The following NCAPD3 variants were observed in gnomAD, a reference collection of about 807,000 sequenced individuals.
The protein encoded by NCAPD3 is condensin-2 complex subunit D3.
NCAPD3 carries 105 observed loss-of-function variants against 182.9 expected under a neutral mutation model. The ratio of observed to expected loss-of-function variants is 0.57; its 90% CI spans 0.49 to 0.68. The LOEUF is 0.68. Among genes scored for constraint, NCAPD3 ranks in the 30% least tolerant of loss-of-function variants. NCAPD3 has a pLI of 0.00. For missense variants in NCAPD3, 1,944 were observed against 1,837.0 expected (o/e 1.06, Z -1.07); for synonymous variants, 815 against 679.9 (o/e 1.20, Z -3.09).
chr11:134,210,580 T>C, intron 3 of NCAPD3, 126 bp from the exon 4 acceptor site: 1 of 819,030 alleles, frequency 1.2e-6, no homozygotes. Context: ...AATGAACCTG[T>C]AGCAAGAGTA....
In NCAPD3 at chr11:134,217,061, T is replaced by C. The variant is rs201370429; in HGVS notation, c.257A>G (p.His86Arg). The change falls in exon 3 of 35, where the codon CAT becomes CGT. Residue 86 changes from histidine to arginine, a missense_variant. His to Arg is a conservative substitution (Grantham distance 29). Coordinates refer to ENST00000534548, the MANE Select transcript of NCAPD3 (RefSeq NM_015261.3). Reference protein sequence around the residue: ...WTFFIENNVSHSTLVALFYHF... With the variant: ...WTFFIENNVSRSTLVALFYHF... ...ATAGAACAATGCCACCAGTGTACTA[T>C]GGGAAACATTGTTCTCAATGAAGAA... The C allele has an allele frequency of 2.6e-4, 421 of 1,613,302 alleles. No homozygotes were observed. Among genetic ancestry groups the C allele is most frequent in the South Asian group, 6.8e-4 (62 of 90,878 alleles).
rs992356548 is a variant in NCAPD3, at chr11:134,161,813, G to C, written c.3652C>G (p.Pro1218Ala). Residue 1218 changes from proline (P) to alanine (A), a missense_variant, in exon 28 of 35, where the codon CCA becomes GCA. Pro to Ala is a conservative substitution (Grantham distance 27). Around this residue, in one of 3 missense-constraint regions of NCAPD3, gnomAD observed 1,803 missense variants for 1,674.6 expected, o/e 1.08. Transcript: ENST00000534548. The stretch of plus-strand genomic sequence containing the variant: ...TAGTGCATGAGTTCCCGCAAAGCTG[G>C]GATCTTATTTTTCTCCAGCACAGTC... ...LKTVLEKNKI[P>A]ALRELMHYLR... 6.3e-6 allele frequency: 10 copies of C among 1,590,004 alleles called. No individual in the cohort carries two copies. In the African/African-American group the frequency reaches 1.1e-4, roughly 17 times the overall value.
intron 13 of NCAPD3, among the ~76,000 whole-genome samples, chr11:134,201,956 C>T (rs1325244298): frequency 3.9e-5 from 6 of 152,178 alleles, no homozygotes; most frequent in Non-Finnish European, 7.4e-5. Flanking sequence ...ATCCTCAGGG[C>T]GCTTTCTGTG....
chr11:134,186,517 C>G (rs943098205), intron 16 of NCAPD3, among the ~76,000 whole-genome samples: 12 of 152,322 alleles, frequency 7.9e-5, no homozygotes, highest in African/African-American at 2.4e-4. Flanking sequence ...CTGGCTGTCA[C>G]TGTTGTTTTA....
chr11:134,184,797 A>G (rs749795648), intron 18 of NCAPD3, 45 bp from the exon 19 acceptor site: 2 of 1,421,710 alleles, frequency 1.4e-6, no homozygotes, highest in Non-Finnish European at 2.0e-6. Context: ...GCTTAAATAT[A>G]TTCAGGTATA....
intron 24 of NCAPD3, among the ~76,000 whole-genome samples, chr11:134,170,217 G>A (rs1179068908): frequency 6.6e-6 from 1 of 152,138 alleles, no homozygotes; most frequent in Non-Finnish European, 1.5e-5. Flanking sequence ...GCTTGACCTA[G>A]AAATATGAAA....
At chr11:134,157,799 A>G in intron 31 of NCAPD3, 129 bp downstream of exon 31, 1 of 1,071,154 alleles carries the variant, frequency 9.3e-7, no homozygotes, top group Non-Finnish European at 1.3e-6. Context: ...CATGATCCTA[A>G]AAGCCCAATT....
intron 27 of NCAPD3, among the ~76,000 whole-genome samples, chr11:134,163,187 A>G (rs772322171): frequency 6.6e-6 from 1 of 152,188 alleles, no homozygotes; most frequent in Non-Finnish European, 1.5e-5. Context: ...GGAAGCCACC[A>G]GCATAGTTTT....
chr11:134,162,603 A>G (rs1350199251), intron 27 of NCAPD3, among the ~76,000 whole-genome samples: 1 of 152,192 alleles, frequency 6.6e-6, no homozygotes, highest in African/African-American at 2.4e-5. Context: ...CTTCCTTGTA[A>G]ACTACTCATT....
Position 134,204,812 on chromosome 11 carries a change from A to C in NCAPD3, c.1089+87T>G. On this transcript the variant is annotated intron_variant, in intron 9 of 34. Transcript: ENST00000534548. The surrounding 1 kb of genome is among the most constrained non-coding windows in gnomAD (Gnocchi z 4.3). ...CAATGCACACTCATTCCCAAGAACA[A>C]ATACCCACACTCACACACACACACA... 9.0e-7 allele frequency: 1 copy of C among 1,106,394 alleles called. No individual in the cohort carries two copies. The highest frequency in any genetic ancestry group is 1.3e-6 in the Non-Finnish European group (1 of 755,980). The allele number at this position is 1,106,394 out of a possible 1,614,324, so 68.5% of individuals were successfully genotyped here.
chr11:134,180,119 G>A (rs1944262765), intron 20 of NCAPD3, among the ~76,000 whole-genome samples: 1 of 152,096 alleles, frequency 6.6e-6, no homozygotes, highest in Non-Finnish European at 1.5e-5. Flanking sequence ...AGACCCTCTA[G>A]AAGCCCTGGG....
Position 134,151,809 on chromosome 11 carries a change from G to A in NCAPD3, c.*1135C>T, listed in dbSNP as rs933611068. The A allele has an allele frequency of 6.6e-6, 1 of 151,912 alleles. No individual in the cohort carries two copies. Among genetic ancestry groups the A allele is most frequent in the African/African-American group, 2.4e-5 (1 of 41,382 alleles). 9.4% of individuals were successfully genotyped at this position (151,912 alleles called of 1,614,324 possible). A position where few individuals can be genotyped will look rare whatever the true frequency, so the allele number is the denominator to read the frequency against. On this transcript the variant is annotated 3_prime_UTR_variant, in exon 35 of 35. Coordinates refer to ENST00000534548, the MANE Select transcript of NCAPD3 (RefSeq NM_015261.3). ...ACGTTGGGTTTGTCTCTTCTTCCTA[G>A]CATTTCAGTGGTTAGGCATGCACAC...
Position 134,178,673 on chromosome 11 carries a change from T to A in NCAPD3, c.2743A>T (p.Met915Leu). The A allele has an allele frequency of 6.3e-7, 1 of 1,596,196 alleles. No individual in the cohort carries two copies. Among genetic ancestry groups the A allele is most frequent in the Non-Finnish European group, 8.5e-7 (1 of 1,170,270 alleles). Residue 915 changes from methionine to leucine, a missense_variant, in exon 22 of 35, where the codon ATG (methionine) becomes TTG (leucine). Coordinates refer to ENST00000534548, the MANE Select transcript of NCAPD3 (RefSeq NM_015261.3). ...QPPPQVRGSV[M>L]PSVIRAHAII... Reference sequence around the variant, plus strand: ...GCATGTGCTCTAATCACAGAGGGCATGACAGAACCTCTGACCTGGGGGGGT... The same window carrying A: ...GCATGTGCTCTAATCACAGAGGGCAAGACAGAACCTCTGACCTGGGGGGGT...
At chr11:134,181,681 C>G (rs886648288) in intron 19 of NCAPD3, among the ~76,000 whole-genome samples, 2 of 152,160 alleles carry the variant, frequency 1.3e-5, no homozygotes, top group African/African-American at 4.8e-5. Flanking sequence ...CAAGGGGTGA[C>G]TTCTAGTGCA....
In NCAPD3 at chr11:134,151,387, C is replaced by T. The variant is rs1943229580; in HGVS notation, c.*1557G>A. On this transcript the variant is annotated 3_prime_UTR_variant, in exon 35 of 35. Coordinates refer to ENST00000534548, the MANE Select transcript of NCAPD3 (RefSeq NM_015261.3). ...CACCTTGGTAGAGAGGGATGGCTCCCCACCCTCAGCGTTGGGGATTCACGC... is the reference window on the plus strand; with the variant it reads ...CACCTTGGTAGAGAGGGATGGCTCCTCACCCTCAGCGTTGGGGATTCACGC... 1 of 152,138 alleles carries T rather than the reference C, an allele frequency of 6.6e-6. No individual in the cohort carries two copies. The highest frequency in any genetic ancestry group is 1.5e-5 in the Non-Finnish European group (1 of 68,030). 9.4% of individuals were successfully genotyped at this position (152,138 alleles called of 1,614,324 possible).
intron 32 of NCAPD3, 136 bp from the exon 33 acceptor site, chr11:134,153,499 G>T (rs1463425475): frequency 2.4e-6 from 2 of 848,090 alleles, no homozygotes; most frequent in African/African-American, 3.3e-5. Flanking sequence ...ACTGGACCCT[G>T]TCCCAGGGCC....
chr11:134,220,814 GA>G, intron 1 of NCAPD3, 88 bp from the exon 2 acceptor site: 1 of 1,320,174 alleles, frequency 7.6e-7, no homozygotes, highest in Admixed American at 2.2e-5. Flanking sequence ...TTCAAGAGGA[GA>G]AAAGTTTACT....
At chr11:134,224,176 G>T (rs1040624250), upstream of NCAPD3, 2 of 590,612 alleles carry the variant, frequency 3.4e-6, no homozygotes, top group African/African-American at 3.7e-5. Context: ...GTTCGAGAAG[G>T]AGCCAGGGCC....
At chr11:134,162,172 G>C (rs1943601319) in intron 27 of NCAPD3, among the ~76,000 whole-genome samples, 1 of 152,126 alleles carries the variant, frequency 6.6e-6, no homozygotes, top group African/African-American at 2.4e-5. Flanking sequence ...AGTAGCTTTT[G>C]ACAAAAGCCC....
Sources: gnomAD v4.1 joint callset for allele counts (sites outside exome capture counted in the v4.1 genomes callset) on GRCh38, gnomAD v4.1.1 for gene constraint, gnomAD v4.1.1 regional missense constraint, Gnocchi (gnomAD v3.1) non-coding constraint, MANE v1.5 for transcripts, NCBI Gene and HGNC (gene_info 2026-07-23, HGNC 2026-07-21) for gene names.